ROBO2: variants seen among roughly 807,000 people sequenced by gnomAD.
ROBO2 encodes roundabout homolog 2.
Under a neutral mutation model 160.8 loss-of-function variants are expected in ROBO2, and 53 were observed. That is an observed-to-expected ratio of 0.33 (90% CI 0.26 to 0.41). ROBO2 has a LOEUF of 0.41. ROBO2 is among the 10% of genes least tolerant of loss of function. The probability of loss-of-function intolerance (pLI) is 1.00; values close to 1 mark genes in which losing one functional copy is unlikely to be tolerated. For synonymous variants in ROBO2, 664 were observed against 611.7 expected, an observed-to-expected ratio of 1.09 and a Z score of -1.26; for missense variants, 1,577 against 1,722.4, an observed-to-expected ratio of 0.92 and a Z score of 1.49.
chr3:76,514,665 CTTT>C (rs960890920), intron 2 of ROBO2, among the ~76,000 whole-genome samples: 5 of 151,966 alleles, frequency 3.3e-5, no homozygotes, highest in African/African-American at 1.2e-4. Flanking sequence ...ACTTTTATTT[CTTT>C]TTTTGGAAAC....
At chr3:77,191,533 C>T (rs1449556296) in intron 2 of ROBO2, among the ~76,000 whole-genome samples, 1 of 152,150 alleles carries the variant, frequency 6.6e-6, no homozygotes, top group East Asian at 1.9e-4. Context: ...CCATTTCGCC[C>T]TTGTATTCCA....
chr3:76,439,974 T>A (rs931313721), intron 2 of ROBO2, among the ~76,000 whole-genome samples: 5 of 152,066 alleles, frequency 3.3e-5, no homozygotes, highest in Non-Finnish European at 5.9e-5. Context: ...TGGATTGTTT[T>A]AACTAACAGA....
At chr3:76,924,906 AT>A (rs2076881117) in intron 2 of ROBO2, among the ~76,000 whole-genome samples, 1 of 152,240 alleles carries the variant, frequency 6.6e-6, no homozygotes, top group Non-Finnish European at 1.5e-5. Flanking sequence ...AGTGACTCAC[AT>A]TTTTAAAAAT....
At chr3:76,307,523 C>T (rs1001659247) in intron 2 of ROBO2, among the ~76,000 whole-genome samples, 6 of 151,856 alleles carry the variant, frequency 4.0e-5, no homozygotes, top group Admixed American at 6.6e-5. Flanking sequence ...TTGCCTCTCT[C>T]GGTGGACCTT....
chr3:76,269,443 C>G (rs909439061), intron 2 of ROBO2, among the ~76,000 whole-genome samples: 42 of 152,114 alleles, frequency 2.8e-4, no homozygotes, highest in African/African-American at 9.6e-4. Context: ...ATGTTCAGAT[C>G]TAATACAAAT....
chr3:75,956,835 T>C (rs1325855858), intron 2 of ROBO2, among the ~76,000 whole-genome samples: 2 of 151,782 alleles, frequency 1.3e-5, no homozygotes, highest in Non-Finnish European at 1.5e-5. Flanking sequence ...GCCATTCGCA[T>C]TGGCCCACTT....
intron 14 of ROBO2, 146 bp from the exon 16 acceptor site, chr3:77,577,344 A>C (rs2093795545): frequency 2.3e-6 from 2 of 869,586 alleles, no homozygotes; most frequent in Non-Finnish European, 3.7e-6. Flanking sequence ...TTCTCAAAAA[A>C]ACTGTCACTG....
chr3:76,782,589 A>C (rs1329946021), intron 2 of ROBO2, among the ~76,000 whole-genome samples: 1 of 150,792 alleles, frequency 6.6e-6, no homozygotes. Flanking sequence ...TTATAATGGT[A>C]ATGTCCATTT....
At chr3:76,315,793 A>G (rs1412157842) in intron 2 of ROBO2, among the ~76,000 whole-genome samples, 1 of 152,178 alleles carries the variant, frequency 6.6e-6, no homozygotes, top group Non-Finnish European at 1.5e-5. Flanking sequence ...ATTTGAACAC[A>G]ATGATTTACT....
chr3:76,163,756 T>TC (rs1461915487), intron 2 of ROBO2, among the ~76,000 whole-genome samples: 2 of 151,960 alleles, frequency 1.3e-5, no homozygotes, highest in Non-Finnish European at 2.9e-5. Context: ...AATTAGTTTT[T>TC]TTTTTGAAAA....
intron 2 of ROBO2, among the ~76,000 whole-genome samples, chr3:76,464,850 C>T (rs1399289669): frequency 6.6e-6 from 1 of 151,938 alleles, no homozygotes; most frequent in Admixed American, 6.6e-5. Flanking sequence ...AAATATTATT[C>T]CTCAGTATCT....
intron 2 of ROBO2, among the ~76,000 whole-genome samples, chr3:77,335,114 GA>G (rs202080036): frequency 0.01 from 1,523 of 152,208 alleles, 10 homozygotes; most frequent in Non-Finnish European, 0.017. Context: ...TTTACACCTG[GA>G]AAAATTGTAA....
At chr3:76,842,797 A>G (rs1156234151) in intron 2 of ROBO2, among the ~76,000 whole-genome samples, 1 of 152,188 alleles carries the variant, frequency 6.6e-6, no homozygotes, top group Middle Eastern at 3.2e-3. Context: ...AACCAGGGGC[A>G]GACACAGTGC....
chr3:77,059,344 G>C (rs1413913331), intron 1 of ROBO2, among the ~76,000 whole-genome samples: 1 of 152,104 alleles, frequency 6.6e-6, no homozygotes, highest in Non-Finnish European at 1.5e-5. Context: ...AGATTATGTA[G>C]GTAATGATAA....
intron 1 of ROBO2, among the ~76,000 whole-genome samples, chr3:75,915,754 C>T (rs982542221): frequency 6.6e-6 from 1 of 151,900 alleles, no homozygotes. Flanking sequence ...GGTGATGTTG[C>T]TGAAGATTAT....
chr3:77,530,414 G>A (rs1158726725), intron 6 of ROBO2, among the ~76,000 whole-genome samples: 1 of 151,862 alleles, frequency 6.6e-6, no homozygotes, highest in Non-Finnish European at 1.5e-5. Flanking sequence ...TGAGAATTTT[G>A]TCTAAATGGA....
At chr3:77,314,472 A>C (rs1301653874) in intron 2 of ROBO2, among the ~76,000 whole-genome samples, 1 of 152,288 alleles carries the variant, frequency 6.6e-6, no homozygotes, top group Admixed American at 6.5e-5. Context: ...ACTCTAGTGA[A>C]TATGTCATTA....
intron 25 of ROBO2, 64 bp downstream of exon 27, chr3:77,644,968 G>A (rs1205325762): frequency 6.7e-7 from 1 of 1,494,206 alleles, no homozygotes. Context: ...TAATAACATT[G>A]CCACATTAAA....
intron 2 of ROBO2, among the ~76,000 whole-genome samples, chr3:76,193,098 A>G (rs953781160): frequency 3.3e-5 from 5 of 152,174 alleles, no homozygotes; most frequent in Non-Finnish European, 7.4e-5. Context: ...ACACTGATTT[A>G]TGACCATTCA....
Sources: allele counts gnomAD v4.1 joint callset (sites outside exome capture counted in the v4.1 genomes callset), GRCh38; gene constraint gnomAD v4.1.1; transcripts MANE v1.5; gene names NCBI Gene and HGNC (gene_info 2026-07-23, HGNC 2026-07-21).